The following MVB12B variants were observed in gnomAD, a reference collection of about 807,000 sequenced individuals.
The protein encoded by MVB12B is multivesicular body subunit 12B.
A neutral mutation model predicts 41.6 loss-of-function variants in MVB12B; 16 were observed. The ratio of observed to expected loss-of-function variants is 0.38; its 90% CI spans 0.26 to 0.58. The LOEUF (loss-of-function observed/expected upper bound fraction) is 0.58. Among genes scored for constraint, MVB12B ranks in the 20% least tolerant of loss-of-function variants. The pLI, the probability that MVB12B is intolerant of heterozygous loss-of-function variation, is 0.62. For synonymous variants in MVB12B, 133 were observed against 139.7 expected (o/e 0.95, Z 0.34); for missense variants, 274 against 380.2 (o/e 0.72, Z 2.32).
chr9:126,500,620 C>T (rs1026207621), intron 9 of MVB12B, among the ~76,000 whole-genome samples: 2 of 152,254 alleles, frequency 1.3e-5, no homozygotes, highest in Non-Finnish European at 2.9e-5. Context: ...CCGGGACCCC[C>T]CGGGGACTGG....
chr9:126,475,359 C>T (rs1204806637), intron 7 of MVB12B, among the ~76,000 whole-genome samples: 1 of 152,168 alleles, frequency 6.6e-6, no homozygotes, highest in South Asian at 2.1e-4. Flanking sequence ...TCTTAATCAG[C>T]TTCTTGAATG....
rs79962761 is a variant in MVB12B, at chr9:126,385,535, G to A, written c.313-1027G>A. On this transcript the variant is annotated intron_variant, in intron 3 of 9. Coordinates refer to ENST00000361171, the MANE Select transcript of MVB12B (RefSeq NM_033446.3). ...AACAGCCTGAGAAGTTGCTGTCCAG[G>A]GCAGAGTGATGGCTGACCAACTAGA... Among the ~76,000 whole-genome samples the A allele has an allele frequency of 8.6e-3, 1,302 of 152,232 alleles. 9 individuals carry two copies. The highest frequency in any genetic ancestry group is 0.024 in the Middle Eastern group (7 of 294).
Position 126,397,724 on chromosome 9 carries a change from T to G in MVB12B, c.662+2027T>G, listed in dbSNP as rs558341399. On this transcript the variant is annotated intron_variant, in intron 6 of 9. Coordinates refer to ENST00000361171, the MANE Select transcript of MVB12B (RefSeq NM_033446.3). Reference sequence around the variant, plus strand: ...TTTTTTGGTTTTTGTGGGGTTTTTTTGTGTGTTGTTTTCCTATCCAGTATC... The same window carrying G: ...TTTTTTGGTTTTTGTGGGGTTTTTTGGTGTGTTGTTTTCCTATCCAGTATC... 102 of 649,936 alleles carry G rather than the reference T, an allele frequency of 1.6e-4. No homozygotes were observed. In the African/African-American group the frequency reaches 1.9e-3, roughly 12 times the overall value. The allele number at this position is 649,936 out of a possible 1,614,324, so 40.3% of individuals were successfully genotyped here.
intron 7 of MVB12B, among the ~76,000 whole-genome samples, chr9:126,458,071 C>T (rs1375941051): frequency 2.0e-5 from 3 of 152,192 alleles, no homozygotes; most frequent in Non-Finnish European, 2.9e-5. Context: ...TCCCTCACCA[C>T]GGGGCAACCT....
intron 9 of MVB12B, among the ~76,000 whole-genome samples, chr9:126,494,173 G>A (rs1156519420): frequency 6.6e-6 from 1 of 152,084 alleles, no homozygotes; most frequent in East Asian, 1.9e-4. Context: ...ATGGATGGTG[G>A]CTTTTGACAA....
intron 7 of MVB12B, among the ~76,000 whole-genome samples, chr9:126,462,796 G>A (rs1833115799): frequency 6.6e-6 from 1 of 152,204 alleles, no homozygotes. Flanking sequence ...AGATGCCCCT[G>A]ACAGGTACAG....
chr9:126,427,413 C>A (rs1161280902), intron 7 of MVB12B, among the ~76,000 whole-genome samples: 3 of 152,144 alleles, frequency 2.0e-5, no homozygotes, highest in African/African-American at 2.4e-5. Context: ...GCCCCAGAGG[C>A]TTCCTATAAG....
chr9:126,381,419 TCTCTCCCAG>T (rs1430467473), intron 3 of MVB12B, among the ~76,000 whole-genome samples: 1 of 152,184 alleles, frequency 6.6e-6, no homozygotes, highest in Non-Finnish European at 1.5e-5. Context: ...CCAGGAAATT[TCTCTCCCAG>T]CTCTCATTTG....
intron 9 of MVB12B, among the ~76,000 whole-genome samples, chr9:126,491,253 G>T (rs184668781): frequency 2.0e-5 from 3 of 152,224 alleles, no homozygotes; most frequent in African/African-American, 7.2e-5. Context: ...TCAAATATAC[G>T]AGGTTAGCGT....
Position 126,505,478 on chromosome 9 carries a change from A to G in MVB12B, c.*2215A>G, listed in dbSNP as rs748891337. On this transcript the variant is annotated 3_prime_UTR_variant, in exon 10 of 10. Coordinates refer to ENST00000361171, the MANE Select transcript of MVB12B (RefSeq NM_033446.3). ...CAAGCGAGCTGGAGCCATCTTCTCC[A>G]TAGCATTACGGACTTAGCATAAGAG... is the stretch of plus-strand genomic sequence containing the variant. 6.6e-6 allele frequency: 1 copy of G among 152,258 alleles called. No individual in the cohort carries two copies. Among genetic ancestry groups the G allele is most frequent in the Non-Finnish European group, 1.5e-5 (1 of 68,042 alleles). 9.4% of individuals were successfully genotyped at this position (152,258 alleles called of 1,614,324 possible).
chr9:126,491,261 C>T (rs1012962143), intron 9 of MVB12B, among the ~76,000 whole-genome samples: 3 of 152,186 alleles, frequency 2.0e-5, no homozygotes, highest in African/African-American at 7.2e-5. Context: ...ACGAGGTTAG[C>T]GTAGATTTGG....
At chr9:126,500,728 C>T (rs533529203) in intron 9 of MVB12B, among the ~76,000 whole-genome samples, 4 of 152,234 alleles carry the variant, frequency 2.6e-5, no homozygotes, top group Non-Finnish European at 5.9e-5. Context: ...CCGCTGTCTC[C>T]GCAGGCATGT....
chr9:126,475,690 C>G (rs1219204734), intron 7 of MVB12B, among the ~76,000 whole-genome samples: 1 of 152,078 alleles, frequency 6.6e-6, no homozygotes, highest in Admixed American at 6.6e-5. Flanking sequence ...CCATGGGATC[C>G]TATCACCTCC....
chr9:126,498,239 TGGAG>T (rs1833878575), intron 9 of MVB12B, among the ~76,000 whole-genome samples: 1 of 151,998 alleles, frequency 6.6e-6, no homozygotes, highest in Non-Finnish European at 1.5e-5. Context: ...GTGCCTGAGA[TGGAG>T]GGGGATGACT....
chr9:126,454,103 CCTG>C (rs1203441326), intron 7 of MVB12B, among the ~76,000 whole-genome samples: 14 of 152,226 alleles, frequency 9.2e-5, no homozygotes, highest in Non-Finnish European at 1.5e-5. Flanking sequence ...CATTTTAAAA[CCTG>C]CTTTCTGTAC....
intron 6 of MVB12B, among the ~76,000 whole-genome samples, chr9:126,417,929 G>C (rs1056941241): frequency 1.3e-5 from 2 of 152,158 alleles, no homozygotes; most frequent in Non-Finnish European, 2.9e-5. Flanking sequence ...CTAGGAAGAG[G>C]GAGTGGCATG....
chr9:126,396,861 T>A, intron 6 of MVB12B: 1 of 985,482 alleles, frequency 1.0e-6, no homozygotes, highest in Non-Finnish European at 1.2e-6. Flanking sequence ...AGTTGCAGGG[T>A]GAACAGTTGA....
At chr9:126,495,135 T>C (rs1833803668) in intron 9 of MVB12B, among the ~76,000 whole-genome samples, 1 of 145,466 alleles carries the variant, frequency 6.9e-6, no homozygotes, top group African/African-American at 2.6e-5. Flanking sequence ...AAGGCTGCAG[T>C]AAGCTGAGAT....
chr9:126,413,818 T>TTGTGTGTC (rs1554776188), intron 6 of MVB12B, among the ~76,000 whole-genome samples: 8 of 109,390 alleles, frequency 7.3e-5, no homozygotes, highest in Non-Finnish European at 1.6e-4. Flanking sequence ...ACCCCATTGG[T>TTGTGTGTC]TGTGTGTGTG....
Sources: allele counts gnomAD v4.1 joint callset (sites outside exome capture counted in the v4.1 genomes callset), GRCh38; gene constraint gnomAD v4.1.1; transcripts MANE v1.5; gene names NCBI Gene and HGNC (gene_info 2026-07-23, HGNC 2026-07-21).